MMUT: variants seen among roughly 807,000 people sequenced by gnomAD.
MMUT encodes methylmalonyl-CoA mutase, mitochondrial.
Under a neutral mutation model 79.9 loss-of-function variants are expected in MMUT, and 79 were observed. The ratio of observed to expected loss-of-function variants is 0.99; its 90% CI spans 0.82 to 1.19. The LOEUF (loss-of-function observed/expected upper bound fraction) is 1.19. Among genes scored for constraint, MMUT ranks in the 50% most tolerant of loss-of-function variants. The pLI, the probability that MMUT is intolerant of heterozygous loss-of-function variation, is 0.00. For missense variants in MMUT, 860 were observed against 917.2 expected (o/e 0.94, Z 0.81); for synonymous variants, 273 against 295.7 (o/e 0.92, Z 0.79).
chr6:49,462,487 G>A (rs1278851111), intron 1 of MMUT, among the ~76,000 whole-genome samples: 2 of 152,154 alleles, frequency 1.3e-5, no homozygotes, highest in African/African-American at 4.8e-5. Context: ...TCATCAAGTG[G>A]TTTAAAACTT....
At position 49,440,377 on chromosome 6, in the gene MMUT, C is replaced by T; in HGVS notation, c.1809-24G>A. On this transcript the variant is annotated intron_variant, in intron 10 of 12. Coordinates refer to ENST00000274813, the MANE Select transcript of MMUT (RefSeq NM_000255.4). Reference sequence around the variant, plus strand: ...CCCTGAAAAACATTTAAAAATATATCAGTAGTTAGATACTAATTTTCCAAA... The same window carrying T: ...CCCTGAAAAACATTTAAAAATATATTAGTAGTTAGATACTAATTTTCCAAA... The T allele has an allele frequency of 2.5e-6, 4 of 1,609,994 alleles. No homozygotes were observed. The South Asian group carries it at 4.4e-5, about 18-fold the overall frequency.
Position 49,430,818 on chromosome 6 carries a change from T to C in MMUT, c.*910A>G, listed in dbSNP as rs1766954476. 1 of 152,178 alleles carries C rather than the reference T, an allele frequency of 6.6e-6. No homozygotes were observed. Among genetic ancestry groups the C allele is most frequent in the South Asian group, 2.1e-4 (1 of 4,824 alleles). 9.4% of individuals were successfully genotyped at this position (152,178 alleles called of 1,614,324 possible). On this transcript the variant is annotated 3_prime_UTR_variant, in exon 13 of 13. Coordinates refer to ENST00000274813, the MANE Select transcript of MMUT (RefSeq NM_000255.4). ...TGTGCAGATTTGTTAAACAGGTAAATGGCAACTTTCCTTCTTTAGTGAGCA... is the reference window on the plus strand; with the variant it reads ...TGTGCAGATTTGTTAAACAGGTAAACGGCAACTTTCCTTCTTTAGTGAGCA...
intron 9 of MMUT, 122 bp downstream of exon 9, chr6:49,444,517 T>C (rs1443305125): frequency 1.3e-6 from 1 of 767,966 alleles, no homozygotes; most frequent in Non-Finnish European, 2.3e-6. Context: ...TTACGATGGA[T>C]GCCATTATTT....
chr6:49,452,858 C>A (rs1351366582), intron 5 of MMUT, among the ~76,000 whole-genome samples: 1 of 151,918 alleles, frequency 6.6e-6, no homozygotes, highest in Admixed American at 6.6e-5. Flanking sequence ...AGTCTTTAAA[C>A]AGTCTGCTTG....
chr6:49,458,642 A>G, intron 2 of MMUT, among the ~76,000 whole-genome samples: 1 of 152,232 alleles, frequency 6.6e-6, no homozygotes, highest in East Asian at 1.9e-4. Context: ...ACAGCTCAGA[A>G]AGAAGAAATA....
intron 1 of MMUT, among the ~76,000 whole-genome samples, chr6:49,460,471 C>G (rs1457459144): frequency 1.3e-5 from 2 of 152,322 alleles, no homozygotes; most frequent in African/African-American, 2.4e-5. Context: ...AACATTAGAG[C>G]TGCATATTCC....
intron 5 of MMUT, among the ~76,000 whole-genome samples, chr6:49,453,080 T>C: frequency 6.6e-6 from 1 of 150,692 alleles, no homozygotes; most frequent in African/African-American, 2.4e-5. Context: ...GTGCTCTTGT[T>C]GCCCAGGCTG....
chr6:49,449,173 G>GA (rs1260356221), intron 6 of MMUT, among the ~76,000 whole-genome samples: 1 of 152,000 alleles, frequency 6.6e-6, no homozygotes, highest in Non-Finnish European at 1.5e-5. Context: ...AGTCTTGGGA[G>GA]AAAATTAAAG....
chr6:49,442,046 ATAAT>A (rs1767291407), intron 9 of MMUT, 75 bp from the exon 10 acceptor site: 1 of 1,425,966 alleles, frequency 7.0e-7, no homozygotes, highest in Non-Finnish European at 9.8e-7. Flanking sequence ...AATATTCAAT[ATAAT>A]TAAACATTTT....
At chr6:49,444,202 C>T (rs1369140122) in intron 9 of MMUT, among the ~76,000 whole-genome samples, 3 of 152,030 alleles carry the variant, frequency 2.0e-5, no homozygotes, top group African/African-American at 4.8e-5. Context: ...GTTGCTCTTC[C>T]GGTTGCTTCA....
intron 1 of MMUT, among the ~76,000 whole-genome samples, chr6:49,462,363 A>G (rs905391447): frequency 6.6e-6 from 1 of 152,192 alleles, no homozygotes; most frequent in Admixed American, 6.5e-5. Context: ...ATACTTCAAG[A>G]AGGTACTTTG....
chr6:49,453,727 T>C lies in MMUT; in HGVS notation c.941A>G (p.Asn314Ser), dbSNP rs1290997666. Residue 314 changes from asparagine to serine, a missense_variant, in exon 5 of 13, where the codon AAT becomes AGT. Transcript: ENST00000274813. ...CATCTTTGCTATTTCCATATAGAAA[T>C]TCATTCCAATTCCCCAGAAGAAAGA... is the stretch of plus-strand genomic sequence containing the variant. ...RLSFFWGIGM[N>S]FYMEIAKMRA... 1 of 1,613,142 alleles carries C rather than the reference T, an allele frequency of 6.2e-7. No individual in the cohort carries two copies. The highest frequency in any genetic ancestry group is 8.5e-7 in the Non-Finnish European group (1 of 1,179,442).
intron 5 of MMUT, among the ~76,000 whole-genome samples, chr6:49,453,382 C>T (rs549801346): frequency 1.7e-4 from 26 of 151,784 alleles, no homozygotes; most frequent in African/African-American, 6.3e-4. Context: ...TTGTTAACCA[C>T]CAGAGGGAGA....
At chr6:49,444,039 G>A (rs1314030741) in intron 9 of MMUT, among the ~76,000 whole-genome samples, 5 of 152,056 alleles carry the variant, frequency 3.3e-5, no homozygotes, top group South Asian at 2.1e-4. Flanking sequence ...AACTTAGTAA[G>A]AGCAATTATA....
chr6:49,443,457 C>T (rs1767330582), intron 9 of MMUT, among the ~76,000 whole-genome samples: 2 of 152,058 alleles, frequency 1.3e-5, no homozygotes, highest in South Asian at 4.1e-4. Context: ...TAGCCCAAAA[C>T]CTGCTGATGT....
Position 49,459,099 on chromosome 6 carries a change from T to C in MMUT, c.368A>G (p.Tyr123Cys), listed in dbSNP as rs1312660252. ...FSTVEESNKF[Y>C]KDNIKAGQQG... is the part of the protein sequence containing the mutation. ...AATCTCACCCTTAATGTTGTCCTTA[T>C]AGAACTTATTGCTTTCTTCCACAGT... The change falls in exon 2 of 13, where the codon TAT becomes TGT. Residue 123 changes from tyrosine to cysteine, a missense_variant. Physicochemically the swap from Tyr to Cys is radical, Grantham distance 194. Transcript: ENST00000274813. 7 of 1,614,168 alleles carry C rather than the reference T, an allele frequency of 4.3e-6. No homozygotes were observed. Among genetic ancestry groups the C allele is most frequent in the Non-Finnish European group, 5.1e-6 (6 of 1,179,986 alleles).
chr6:49,460,111 C>A (rs1003671931), intron 1 of MMUT, among the ~76,000 whole-genome samples: 1 of 152,168 alleles, frequency 6.6e-6, no homozygotes, highest in Non-Finnish European at 1.5e-5. Context: ...TCTGAATTTG[C>A]TCTTGCTCTT....
At chr6:49,461,985 G>A (rs1305472364) in intron 1 of MMUT, among the ~76,000 whole-genome samples, 2 of 152,064 alleles carry the variant, frequency 1.3e-5, no homozygotes, top group African/African-American at 4.8e-5. Flanking sequence ...ACTGTTGGCA[G>A]GAAATATCAC....
intron 4 of MMUT, 146 bp downstream of exon 4, chr6:49,455,934 C>A: frequency 2.8e-6 from 2 of 707,652 alleles, no homozygotes; most frequent in South Asian, 2.6e-5. Context: ...GAAATATTGG[C>A]TTTTTCTCTC....
Sources: gnomAD v4.1 joint callset for allele counts (sites outside exome capture counted in the v4.1 genomes callset) on GRCh38, gnomAD v4.1.1 for gene constraint, MANE v1.5 for transcripts, NCBI Gene and HGNC (gene_info 2026-07-23, HGNC 2026-07-21) for gene names.